Variants in ERI2 observed in about 807,000 individuals in gnomAD.
ERI2 encodes the protein ERI1 exoribonuclease family member 2.
Under a neutral mutation model 46.8 loss-of-function variants are expected in ERI2, and 35 were observed. That is an observed-to-expected ratio of 0.75 (90% confidence interval 0.57 to 0.99). The LOEUF is 0.99. ERI2 is among the 50% of genes least tolerant of loss of function. The pLI is 0.00. For synonymous variants in ERI2, 224 were observed against 271.0 expected (o/e 0.83, Z 1.70); for missense variants, 695 against 796.2 (o/e 0.87, Z 1.53).
chr16:20,805,291 G>A (rs1436069583), intron 1 of ERI2, among the ~76,000 whole-genome samples: 2 of 152,042 alleles, frequency 1.3e-5, no homozygotes, highest in African/African-American at 4.8e-5. Context: ...TGGGTGTGGT[G>A]GTGCATGCCT....
intron 10 of ERI2, chr16:20,781,092 C>T: frequency 2.5e-6 from 4 of 1,614,140 alleles, no homozygotes; most frequent in South Asian, 1.1e-5. Flanking sequence ...TGTATTCACA[C>T]ACCATTTACC....
intron 10 of ERI2, among the ~76,000 whole-genome samples, chr16:20,789,091 A>C (rs565725793): frequency 8.0e-4 from 122 of 152,372 alleles, no homozygotes; most frequent in Non-Finnish European, 1.4e-3. Context: ...CATTTAGAGC[A>C]AAATCTGATG....
chr16:20,792,276 G>A (rs138473166), downstream of ERI2: 33 of 1,613,974 alleles, frequency 2.0e-5, no homozygotes, highest in Non-Finnish European at 2.7e-5. Flanking sequence ...TGCCCTGAAT[G>A]AACACCCTTC....
chr16:20,794,335 C>G (rs1381461685), downstream of ERI2, among the ~76,000 whole-genome samples: 1 of 152,138 alleles, frequency 6.6e-6, no homozygotes, highest in African/African-American at 2.4e-5. Flanking sequence ...GATCACATAT[C>G]TCTTTGAGAA....
In ERI2 at chr16:20,801,363, A is replaced by G; in HGVS notation, c.304-4T>C. ...GGACTCCTTCATCAACTTGAGCCTG[A>G]GTAGAGAGTCACAAAAGCTGAATTC... On this transcript the variant is annotated splice_polypyrimidine_tract_variant and splice_region_variant and intron_variant, in intron 4 of 8. Transcript: ENST00000357967. 1 of 1,578,876 alleles carries G rather than the reference A, an allele frequency of 6.3e-7. No homozygotes were observed. The highest frequency in any genetic ancestry group is 8.6e-7 in the Non-Finnish European group (1 of 1,165,956).
intron 10 of ERI2, among the ~76,000 whole-genome samples, chr16:20,789,096 C>A (rs2080537205): frequency 6.6e-6 from 1 of 152,166 alleles, no homozygotes; most frequent in South Asian, 2.1e-4. Flanking sequence ...AGAGCAAAAT[C>A]TGATGTATAA....
At chr16:20,791,233 T>A (rs1194971252) in intron 8 of ERI2, among the ~76,000 whole-genome samples, 1 of 152,192 alleles carries the variant, frequency 6.6e-6, no homozygotes, top group Non-Finnish European at 1.5e-5. Flanking sequence ...CAGTATCTTG[T>A]TTTTTCTTAT....
chr16:20,801,224 A>T lies in ERI2; in HGVS notation c.439T>A (p.Cys147Ser). The change falls in exon 5 of 9, where the codon TGT becomes AGT. Residue 147 changes from cysteine to serine, a missense_variant. By Grantham distance (112) the Cys-to-Ser change is moderately radical. Transcript: ENST00000357967. ...SEPSASEVKL[C>S]AFVTWSDWDL... Reference sequence around the variant, plus strand: ...TTACCTGACCAAGTAACAAATGCACATAATTTTACTTCAGAAGCAGAAGGC... The same window carrying T: ...TTACCTGACCAAGTAACAAATGCACTTAATTTTACTTCAGAAGCAGAAGGC... 1 of 1,611,716 alleles carries T rather than the reference A, an allele frequency of 6.2e-7. No individual in the cohort carries two copies. Among genetic ancestry groups the T allele is most frequent in the African/African-American group, 1.3e-5 (1 of 74,952 alleles).
downstream of ERI2, chr16:20,796,240 G>A: frequency 2.1e-6 from 3 of 1,424,668 alleles, no homozygotes; most frequent in Non-Finnish European, 9.3e-7. Context: ...CACAGAGCTG[G>A]GATCAAACTT....
chr16:20,781,083 G>A (rs2080343051), intron 10 of ERI2: 2 of 1,614,120 alleles, frequency 1.2e-6, no homozygotes, highest in Non-Finnish European at 1.7e-6. Context: ...GGGAGCATGT[G>A]TATTCACACA....
Position 20,790,522 on chromosome 16 carries a change from G to A in ERI2, c.815+328C>T. 2 of 1,462,308 alleles carry A rather than the reference G, an allele frequency of 1.4e-6. No homozygotes were observed. Among genetic ancestry groups the A allele is most frequent in the Non-Finnish European group, 1.9e-6 (2 of 1,060,942 alleles). 90.6% of individuals were successfully genotyped at this position (1,462,308 alleles called of 1,614,324 possible). ...CAAAAGCCAAAATAAAACTTGCAAA[G>A]TTAATATTTAAGCTGCGACATTAAA... On this transcript the variant is annotated intron_variant, in intron 9 of 10. Transcript: ENST00000300005. The surrounding 1 kb of genome is among the most constrained non-coding windows in gnomAD (Gnocchi z 4.0).
chr16:20,801,412 T>C, intron 4 of ERI2, 53 bp from the exon 5 acceptor site: 2 of 1,513,660 alleles, frequency 1.3e-6, no homozygotes, highest in Non-Finnish European at 1.8e-6. Context: ...CATTATTATT[T>C]AGCATGTTTT....
downstream of ERI2, among the ~76,000 whole-genome samples, chr16:20,793,428 C>G (rs1235035025): frequency 2.0e-5 from 3 of 152,174 alleles, no homozygotes; most frequent in Non-Finnish European, 4.4e-5. Context: ...AAGATCGTGC[C>G]ACTGTGCTCC....
At chr16:20,806,256 C>T in intron 1 of ERI2, 152 bp downstream of exon 1, 1 of 1,418,686 alleles carries the variant, frequency 7.0e-7, no homozygotes. Flanking sequence ...AGGCGCCTTT[C>T]CAACCGTGCC....
intron 10 of ERI2, chr16:20,786,204 A>G: frequency 6.3e-7 from 1 of 1,597,624 alleles, no homozygotes; most frequent in Non-Finnish European, 8.5e-7. Context: ...CCCAATCTGT[A>G]CACTACCTAC....
intron 10 of ERI2, among the ~76,000 whole-genome samples, chr16:20,787,217 TCC>T (rs1368734331): frequency 6.6e-6 from 1 of 152,194 alleles, no homozygotes; most frequent in Non-Finnish European, 1.5e-5. Flanking sequence ...GTTGAAAACA[TCC>T]TAAGTCACAA....
At chr16:20,783,699 A>T (rs1171084254) in intron 10 of ERI2, 1 of 152,172 alleles carries the variant, frequency 6.6e-6, no homozygotes, top group Non-Finnish European at 1.5e-5. Context: ...CTTGCTTCAA[A>T]CCTTGTCCCC....
chr16:20,796,750 T>C lies in ERI2; in HGVS notation c.*974A>G. 4 of 1,511,590 alleles carry C rather than the reference T, an allele frequency of 2.6e-6. No homozygotes were observed. The South Asian group carries it at 5.3e-5, about 20-fold the overall frequency. The allele number at this position is 1,511,590 out of a possible 1,614,324, so 93.6% of individuals were successfully genotyped here. On this transcript the variant is annotated 3_prime_UTR_variant, in exon 9 of 9. Transcript: ENST00000357967. ...TCCTAACAATACCCTTTTCCCTATT[T>C]TGGCTGTTACCCAAAACCCATTCCA...
chr16:20,786,075 T>G, intron 10 of ERI2: 1 of 1,540,424 alleles, frequency 6.5e-7, no homozygotes, highest in Non-Finnish European at 8.8e-7. Flanking sequence ...TCTTCTTAAC[T>G]AGGTGCTAAT....
Sources: allele counts gnomAD v4.1 joint callset (sites outside exome capture counted in the v4.1 genomes callset), GRCh38; gene constraint gnomAD v4.1.1; non-coding constraint Gnocchi (gnomAD v3.1); transcripts MANE v1.5; gene names NCBI Gene and HGNC (gene_info 2026-07-23, HGNC 2026-07-21).